DNAH14: variants seen among roughly 807,000 people sequenced by gnomAD.
The protein encoded by DNAH14 is axonemal beta dynein heavy chain 14.
A neutral mutation model predicts 520.9 loss-of-function variants in DNAH14; 478 were observed. That is an observed-to-expected ratio of 0.92 (90% CI 0.85 to 0.99). DNAH14 has a LOEUF of 0.99. Ranked by LOEUF, DNAH14 falls within the 50% of genes least tolerant of loss-of-function variation. The pLI is 0.00. For missense variants in DNAH14, 4,831 were observed against 5,234.5 expected (o/e 0.92, Z 2.38); for synonymous variants, 1,581 against 1,757.2 (o/e 0.90, Z 2.51).
At chr1:225,254,214 A>G (rs766552493) in intron 44 of DNAH14, among the ~76,000 whole-genome samples, 3 of 152,122 alleles carry the variant, frequency 2.0e-5, no homozygotes, top group Non-Finnish European at 4.4e-5. Flanking sequence ...CATATAGACC[A>G]TGGGCTGTTA....
At chr1:225,073,633 TTTG>T (rs370367041) in intron 17 of DNAH14, among the ~76,000 whole-genome samples, 27 of 151,896 alleles carry the variant, frequency 1.8e-4, no homozygotes, top group South Asian at 1.0e-3. Context: ...TCTTAGGAAG[TTTG>T]TTGTTGTTGT....
chr1:225,225,805 C>G (rs2090476968), intron 41 of DNAH14, among the ~76,000 whole-genome samples: 1 of 152,120 alleles, frequency 6.6e-6, no homozygotes, highest in Non-Finnish European at 1.5e-5. Context: ...GTTCACACCC[C>G]CTCAGGTCCT....
intron 46 of DNAH14, 61 bp from the exon 47 acceptor site, chr1:225,264,136 G>T: frequency 5.1e-6 from 7 of 1,366,152 alleles, no homozygotes; most frequent in Admixed American, 2.4e-5. Flanking sequence ...TTTTGTTGTT[G>T]TTTAATATAC....
intron 35 of DNAH14, among the ~76,000 whole-genome samples, chr1:225,165,344 G>T (rs1207293433): frequency 6.6e-6 from 1 of 151,776 alleles, no homozygotes; most frequent in Non-Finnish European, 1.5e-5. Context: ...TGTGAGTTTG[G>T]TACTCTTTTA....
chr1:225,192,416 C>T (rs2085568481), intron 37 of DNAH14, among the ~76,000 whole-genome samples: 1 of 152,084 alleles, frequency 6.6e-6, no homozygotes, highest in Non-Finnish European at 1.5e-5. Flanking sequence ...ACATTACATG[C>T]CAGTTTATAT....
chr1:225,112,902 T>C (rs2076588874), intron 23 of DNAH14, among the ~76,000 whole-genome samples: 1 of 152,108 alleles, frequency 6.6e-6, no homozygotes, highest in Non-Finnish European at 1.5e-5. Context: ...TTATCTTTAA[T>C]TTCTTTGAGT....
rs1380433645 is a variant in DNAH14 at position 225,204,189 on chromosome 1, A to C, written c.5893A>C (p.Lys1965Gln). The change falls in exon 39 of 86, where the codon AAA (lysine) becomes CAA (glutamine). Residue 1965 changes from lysine to glutamine, a missense_variant. By Grantham distance (53) the Lys-to-Gln change is moderately conservative. Coordinates refer to ENST00000682510, the MANE Select transcript of DNAH14 (RefSeq NM_001367479.1). ...SRISDLSNVF[K>Q]LDSSDTTETD... is the part of the protein sequence containing the mutation. The stretch of plus-strand genomic sequence containing the variant: ...TATTGATTACATATTTTAGGTTTTC[A>C]AACTTGATTCCTCTGATACAACAGA... 6.9e-7 allele frequency: 1 copy of C among 1,455,404 alleles called. No individual in the cohort carries two copies. Among genetic ancestry groups the C allele is most frequent in the East Asian group, 2.8e-5 (1 of 35,714 alleles). 90.2% of individuals were successfully genotyped at this position (1,455,404 alleles called of 1,614,324 possible).
At chr1:225,231,038 T>C in intron 41 of DNAH14, 35 bp from the exon 42 acceptor site, 4 of 1,486,464 alleles carry the variant, frequency 2.7e-6, no homozygotes, top group Non-Finnish European at 3.7e-6. Flanking sequence ...TTAGGTCTGT[T>C]GTTAATTATG....
intron 41 of DNAH14, among the ~76,000 whole-genome samples, chr1:225,213,722 G>T (rs892745127): frequency 1.3e-5 from 2 of 152,134 alleles, no homozygotes; most frequent in Non-Finnish European, 2.9e-5. Context: ...TGTTACTGGG[G>T]TATAGGAATG....
chr1:225,194,873 C>T (rs1559251558), intron 38 of DNAH14, among the ~76,000 whole-genome samples: 1 of 151,938 alleles, frequency 6.6e-6, no homozygotes, highest in Non-Finnish European at 1.5e-5. Context: ...GACACTTCTC[C>T]AAAGAAGATA....
intron 55 of DNAH14, among the ~76,000 whole-genome samples, chr1:225,290,369 C>T (rs185672379): frequency 1.3e-5 from 2 of 151,750 alleles, no homozygotes; most frequent in East Asian, 3.9e-4. Context: ...AGTAATTTAT[C>T]TGTGTAGCTG....
intron 1 of DNAH14, among the ~76,000 whole-genome samples, chr1:224,935,042 A>G (rs796469684): frequency 1.4e-4 from 22 of 151,916 alleles, no homozygotes; most frequent in African/African-American, 5.3e-4. Flanking sequence ...AAAGGATGAC[A>G]TTTATCATCA....
At chr1:225,156,709 C>CTTTTTTTTTTTTTT (rs71170061) in intron 34 of DNAH14, among the ~76,000 whole-genome samples, 2 of 68,164 alleles carry the variant, frequency 2.9e-5, no homozygotes, top group Non-Finnish European at 4.9e-5. Context: ...TCTTAAAATT[C>CTTTTTTTTTTTTTT]TTTTTTTTTT....
intron 37 of DNAH14, among the ~76,000 whole-genome samples, chr1:225,191,386 C>G (rs1001497539): frequency 1.3e-5 from 2 of 151,978 alleles, no homozygotes; most frequent in Admixed American, 1.3e-4. Context: ...TGTTTCAGCA[C>G]TTTGTATCAT....
At chr1:225,202,208 G>T (rs1370584431) in intron 38 of DNAH14, among the ~76,000 whole-genome samples, 1 of 152,180 alleles carries the variant, frequency 6.6e-6, no homozygotes, top group Non-Finnish European at 1.5e-5. Context: ...AGCATCAGCT[G>T]TGGTAGTATG....
chr1:225,188,877 A>G (rs181785829), intron 37 of DNAH14, among the ~76,000 whole-genome samples: 2 of 151,980 alleles, frequency 1.3e-5, no homozygotes, highest in East Asian at 1.9e-4. Flanking sequence ...CTAGTTTTCA[A>G]TATACAAATC....
intron 23 of DNAH14, among the ~76,000 whole-genome samples, chr1:225,111,607 G>A (rs370961116): frequency 2.8e-4 from 43 of 151,960 alleles, no homozygotes; most frequent in African/African-American, 9.9e-4. Flanking sequence ...TCCTATTGGA[G>A]AGTTTGGTCC....
chr1:225,237,846 G>A (rs1232777289), intron 42 of DNAH14, among the ~76,000 whole-genome samples: 1 of 152,040 alleles, frequency 6.6e-6, no homozygotes, highest in East Asian at 1.9e-4. Flanking sequence ...TTGTCTGCCT[G>A]TCTTATTTCA....
At chr1:225,066,812 T>C (rs949663587) in intron 17 of DNAH14, among the ~76,000 whole-genome samples, 9 of 152,152 alleles carry the variant, frequency 5.9e-5, no homozygotes, top group African/African-American at 2.2e-4. Flanking sequence ...TCCAAGTTTC[T>C]GCAAAAGACA....
Sources: gnomAD v4.1 joint callset for allele counts (sites outside exome capture counted in the v4.1 genomes callset) on GRCh38, gnomAD v4.1.1 for gene constraint, MANE v1.5 for transcripts, NCBI Gene and HGNC (gene_info 2026-07-23, HGNC 2026-07-21) for gene names.